AGO4: variants seen among roughly 807,000 people sequenced by gnomAD.
AGO4 encodes argonaute RISC component 4, also known as protein argonaute-4.
AGO4 carries 33 observed loss-of-function variants against 104.7 expected under a neutral mutation model. The observed-to-expected ratio is 0.32, with a 90% CI of 0.24 to 0.42. AGO4 has a LOEUF of 0.42. Among genes scored for constraint, AGO4 ranks in the 10% least tolerant of loss-of-function variants. AGO4 has a pLI of 1.00. For synonymous variants in AGO4, 331 were observed against 364.7 expected, an observed-to-expected ratio of 0.91 and a Z score of 1.05; for missense variants, 711 against 1,083.4, an observed-to-expected ratio of 0.66 and a Z score of 4.83.
chr1:35,821,127 A>T (rs1183684047), intron 2 of AGO4, among the ~76,000 whole-genome samples: 2 of 152,174 alleles, frequency 1.3e-5, no homozygotes, highest in African/African-American at 4.8e-5. Flanking sequence ...GGTTGCTGTG[A>T]AGATTAAATG....
At chr1:35,816,685 G>A (rs1643709610) in intron 1 of AGO4, among the ~76,000 whole-genome samples, 197 bp from the exon 2 acceptor site, 1 of 151,720 alleles carries the variant, frequency 6.6e-6, no homozygotes, top group Non-Finnish European at 1.5e-5. Context: ...TGTAATCCCA[G>A]CTACTGGAGA....
chr1:35,824,021 A>G (rs1643949404), intron 3 of AGO4, among the ~76,000 whole-genome samples: 1 of 152,254 alleles, frequency 6.6e-6, no homozygotes, highest in African/African-American at 2.4e-5. Context: ...CACATTAACC[A>G]TGTACTTTAA....
At chr1:35,851,154 G>A in intron 17 of AGO4, 101 bp downstream of exon 17, 1 of 1,206,304 alleles carries the variant, frequency 8.3e-7, no homozygotes. Flanking sequence ...AACTTTCAGA[G>A]TTTAAATTGT....
Position 35,808,281 on chromosome 1 carries a change from A to G in AGO4, c.-136A>G, listed in dbSNP as rs1187380525. 2.9e-6 allele frequency: 1 copy of G among 346,364 alleles called. No homozygotes were observed. The highest frequency in any genetic ancestry group is 1.1e-4 in the South Asian group (1 of 9,298). The allele number at this position is 346,364 out of a possible 1,614,324, so 21.5% of individuals were successfully genotyped here. The stretch of plus-strand genomic sequence containing the variant: ...CGGGCGCCGCCGCCGCCCCCTGCCC[A>G]GCGCCCGCGTCTCCGCGGCGCCACC... On this transcript the variant is annotated 5_prime_UTR_variant, in exon 1 of 18. Transcript: ENST00000373210. The surrounding 1 kb of genome is among the most constrained non-coding windows in gnomAD (Gnocchi z 5.2).
At chr1:35,811,569 C>A (rs1397677218) in intron 1 of AGO4, among the ~76,000 whole-genome samples, 1 of 151,816 alleles carries the variant, frequency 6.6e-6, no homozygotes, top group Non-Finnish European at 1.5e-5. Context: ...ATTTACTGAG[C>A]GTTTACTATT....
At chr1:35,818,587 G>A (rs566870318) in intron 2 of AGO4, among the ~76,000 whole-genome samples, 2 of 151,246 alleles carry the variant, frequency 1.3e-5, no homozygotes, top group Non-Finnish European at 2.9e-5. Context: ...TCATGCCGCT[G>A]CATTCCAGCC....
chr1:35,847,589 T>C (rs1644602544), intron 15 of AGO4, among the ~76,000 whole-genome samples: 1 of 152,194 alleles, frequency 6.6e-6, no homozygotes, highest in East Asian at 1.9e-4. Flanking sequence ...GGCTGCATGT[T>C]GGACAAGCTT....
intron 1 of AGO4, among the ~76,000 whole-genome samples, chr1:35,816,490 CAAG>C (rs1288193049): frequency 2.6e-5 from 4 of 151,992 alleles, no homozygotes; most frequent in Non-Finnish European, 4.4e-5. Flanking sequence ...TCATCATCAT[CAAG>C]AAGAAGAAGA....
At chr1:35,849,757 T>C (rs1349151339) in intron 15 of AGO4, among the ~76,000 whole-genome samples, 1 of 152,124 alleles carries the variant, frequency 6.6e-6, no homozygotes, top group African/African-American at 2.4e-5. Flanking sequence ...CTTAATCTTT[T>C]ACTGAAAATT....
At chr1:35,844,982 G>C (rs1214488093) in intron 15 of AGO4, among the ~76,000 whole-genome samples, 1 of 152,100 alleles carries the variant, frequency 6.6e-6, no homozygotes, top group African/African-American at 2.4e-5. Flanking sequence ...TCAATGACTT[G>C]CTCATTTCAA....
rs140190375 is a variant in AGO4, at chr1:35,850,349, G to A, written c.2277+91G>A. 6.0e-3 allele frequency: 5,821 copies of A among 977,012 alleles called. 44 individuals carry two copies. The highest frequency in any genetic ancestry group is 6.3e-3 in the Non-Finnish European group (3,773 of 601,234). The allele number at this position is 977,012 out of a possible 1,614,324, so 60.5% of individuals were successfully genotyped here. A position where few individuals can be genotyped will look rare whatever the true frequency, so the allele number is the denominator to read the frequency against. ...TTGAGTCGACTTGTTATTTAACACC[G>A]TGCCTAACTTTGTTAATGCTTGTAT... On this transcript the variant is annotated intron_variant, in intron 16 of 17. Coordinates refer to ENST00000373210, the MANE Select transcript of AGO4 (RefSeq NM_017629.4).
In AGO4 at chr1:35,841,763, A is replaced by G. The variant is rs1644448708; in HGVS notation, c.2175+13A>G. ...TAAAACAGAAAGGGTAAGAAGATATAATATAAGCTTTGTTATCTGAGGCTC... is the reference window on the plus strand; with the variant it reads ...TAAAACAGAAAGGGTAAGAAGATATGATATAAGCTTTGTTATCTGAGGCTC... On this transcript the variant is annotated intron_variant, in intron 15 of 17. Coordinates refer to ENST00000373210, the MANE Select transcript of AGO4 (RefSeq NM_017629.4). The surrounding 1 kb of genome is among the most constrained non-coding windows in gnomAD (Gnocchi z 4.7). The G allele has an allele frequency of 5.6e-6, 9 of 1,609,688 alleles. No homozygotes were observed. The highest frequency in any genetic ancestry group is 7.6e-6 in the Non-Finnish European group (9 of 1,177,588).
intron 13 of AGO4, among the ~76,000 whole-genome samples, chr1:35,837,228 G>A (rs1323378678): frequency 6.6e-6 from 1 of 152,036 alleles, no homozygotes; most frequent in African/African-American, 2.4e-5. Flanking sequence ...GATTACAGGT[G>A]CACACCACCA....
chr1:35,836,085 T>G, intron 13 of AGO4, 92 bp downstream of exon 13: 8 of 1,336,556 alleles, frequency 6.0e-6, no homozygotes, highest in South Asian at 1.4e-5. Flanking sequence ...GCATCTAGAT[T>G]ACCTTTTCTC....
In AGO4 at chr1:35,850,152, T is replaced by G; in HGVS notation, c.2176-5T>G. On this transcript the variant is annotated splice_region_variant and splice_polypyrimidine_tract_variant and intron_variant, in intron 15 of 17. Transcript: ENST00000373210. ...TGACTAATTACTTTTTTTTGTTTTTTGTAGGTAGGGAAAAGTGGCAATGTA... is the reference window on the plus strand; with the variant it reads ...TGACTAATTACTTTTTTTTGTTTTTGGTAGGTAGGGAAAAGTGGCAATGTA... The G allele has an allele frequency of 6.4e-7, 1 of 1,565,326 alleles. No homozygotes were observed. Among genetic ancestry groups the G allele is most frequent in the Non-Finnish European group, 8.6e-7 (1 of 1,157,646 alleles).
chr1:35,826,423 G>C (rs1211998098), intron 6 of AGO4, among the ~76,000 whole-genome samples: 1 of 152,016 alleles, frequency 6.6e-6, no homozygotes, highest in Admixed American at 6.6e-5. Flanking sequence ...TTTTCTTCTT[G>C]TTATTAGTTA....
At chr1:35,823,874 C>T (rs1454182445) in intron 3 of AGO4, among the ~76,000 whole-genome samples, 1 of 152,050 alleles carries the variant, frequency 6.6e-6, no homozygotes, top group African/African-American at 2.4e-5. Context: ...TGAGCCACCA[C>T]GCCCAGCGAG....
rs1173101148 is a variant in AGO4 at position 35,808,562 on chromosome 1, C to G, written c.19+127C>G. The G allele has an allele frequency of 9.1e-6, 8 of 876,084 alleles. No homozygotes were observed. Among genetic ancestry groups the G allele is most frequent in the Non-Finnish European group, 1.1e-5 (8 of 702,222 alleles). 54.3% of individuals were successfully genotyped at this position (876,084 alleles called of 1,614,324 possible). A position where few individuals can be genotyped will look rare whatever the true frequency, so the allele number is the denominator to read the frequency against. On this transcript the variant is annotated intron_variant, in intron 1 of 17. Coordinates refer to ENST00000373210, the MANE Select transcript of AGO4 (RefSeq NM_017629.4). This position sits in a 1 kb window ranked among gnomAD's most constrained non-coding sequence, Gnocchi z 5.2. ...AGGCCTCGGGGAAGGGGACCCGAGCCCCGCAGCACGAAGCGGAGGGAGCTG... is the reference window on the plus strand; with the variant it reads ...AGGCCTCGGGGAAGGGGACCCGAGCGCCGCAGCACGAAGCGGAGGGAGCTG...
intron 17 of AGO4, 116 bp from the exon 18 acceptor site, chr1:35,853,381 T>A (rs544959175): frequency 4.4e-5 from 31 of 703,240 alleles, no homozygotes; most frequent in Non-Finnish European, 7.3e-5. Context: ...ATTTGAAACG[T>A]GTGAAGTTTG....
Sources: gnomAD v4.1 joint callset for allele counts (sites outside exome capture counted in the v4.1 genomes callset) on GRCh38, gnomAD v4.1.1 for gene constraint, Gnocchi (gnomAD v3.1) non-coding constraint, MANE v1.5 for transcripts, NCBI Gene and HGNC (gene_info 2026-07-23, HGNC 2026-07-21) for gene names.